The following CCDC148 variants were observed in gnomAD, a reference collection of about 807,000 sequenced individuals.
CCDC148 encodes the protein coiled-coil domain-containing protein 148.
A neutral mutation model predicts 85.7 loss-of-function variants in CCDC148; 89 were observed. That is an observed-to-expected ratio of 1.04 (90% CI 0.87 to 1.24). The LOEUF (loss-of-function observed/expected upper bound fraction) is 1.24. Ranked by LOEUF, CCDC148 falls within the 50% of genes most tolerant of loss-of-function variation. The probability of loss-of-function intolerance (pLI) is 0.00; values close to 1 mark genes in which losing one functional copy is unlikely to be tolerated. For missense variants in CCDC148, 692 were observed against 671.7 expected (o/e 1.03, Z -0.33); for synonymous variants, 230 against 213.9 (o/e 1.08, Z -0.66).
chr2:158,242,815 CT>C (rs60259574), intron 10 of CCDC148, among the ~76,000 whole-genome samples: 7,351 of 152,100 alleles, frequency 0.048, 593 homozygotes, highest in African/African-American at 0.16. Flanking sequence ...ATAAAGGTGT[CT>C]TTGGACTGCT....
At chr2:158,319,756 A>G (rs577228003) in intron 7 of CCDC148, among the ~76,000 whole-genome samples, 1 of 152,192 alleles carries the variant, frequency 6.6e-6, no homozygotes, top group Non-Finnish European at 1.5e-5. Flanking sequence ...GAAAAGTACT[A>G]TGAAAGGATG....
intron 7 of CCDC148, among the ~76,000 whole-genome samples, chr2:158,329,478 G>C (rs987521806): frequency 6.6e-6 from 1 of 152,152 alleles, no homozygotes; most frequent in East Asian, 1.9e-4. Flanking sequence ...GCTTAGGATT[G>C]ACTTGGCGAT....
intron 1 of CCDC148, among the ~76,000 whole-genome samples, chr2:158,438,786 A>T (rs1200708958): frequency 1.3e-5 from 2 of 152,220 alleles, no homozygotes; most frequent in Non-Finnish European, 2.9e-5. Context: ...CAAGAAAAAA[A>T]CGAACAACCC....
At chr2:158,338,259 T>C (rs1028980982) in intron 7 of CCDC148, among the ~76,000 whole-genome samples, 1 of 152,294 alleles carries the variant, frequency 6.6e-6, no homozygotes, top group South Asian at 2.1e-4. Context: ...CAGAAGTCTA[T>C]TTCCTAAAAA....
At chr2:158,270,563 G>A (rs566458822) in intron 9 of CCDC148, among the ~76,000 whole-genome samples, 8 of 152,200 alleles carry the variant, frequency 5.3e-5, no homozygotes, top group Admixed American at 4.6e-4. Context: ...GGTAAACCTG[G>A]GATCTTGTAA....
Position 158,280,248 on chromosome 2 carries a change from A to C in CCDC148, c.1110+29185T>G, listed in dbSNP as rs1041022404. Among the ~76,000 whole-genome samples the C allele has an allele frequency of 4.2e-4, 64 of 152,334 alleles. 1 individual carries two copies. The highest frequency in any genetic ancestry group is 1.5e-3 in the African/African-American group (61 of 41,568). On this transcript the variant is annotated intron_variant, in intron 9 of 13. Transcript: ENST00000283233. ...GGGTGAAATAACCAGCTAACATCAT[A>C]ATCACAGGTTCAAATTCACACATAA...
chr2:158,431,299 T>TA lies in CCDC148; in HGVS notation c.25+25115dup, dbSNP rs200663649. On this transcript the variant is annotated intron_variant, in intron 1 of 13. Transcript: ENST00000283233. ...CAAAGGCATTTAATAATCAAATTGTTAAAAAAAACTGTCATAAAAAAATCT... is the reference window on the plus strand; with the variant it reads ...CAAAGGCATTTAATAATCAAATTGTTAAAAAAAAACTGTCATAAAAAAATCT... Among the ~76,000 whole-genome samples, 221 of 151,516 alleles carry TA rather than the reference T, an allele frequency of 1.5e-3. 1 individual carries two copies. Among genetic ancestry groups the TA allele is most frequent in the African/African-American group, 3.3e-3 (138 of 41,372 alleles).
chr2:158,310,611 G>A (rs1031089008), intron 8 of CCDC148, among the ~76,000 whole-genome samples: 31 of 151,708 alleles, frequency 2.0e-4, no homozygotes, highest in East Asian at 2.0e-4. Context: ...CAGACGGGGC[G>A]GCCAGGTAGA....
chr2:158,323,118 A>G (rs953912922), intron 7 of CCDC148, among the ~76,000 whole-genome samples: 3 of 152,194 alleles, frequency 2.0e-5, no homozygotes, highest in Non-Finnish European at 4.4e-5. Flanking sequence ...GCTTCACAAA[A>G]ACACTGAATA....
intron 9 of CCDC148, among the ~76,000 whole-genome samples, chr2:158,277,338 G>GT (rs1689998725): frequency 6.6e-6 from 1 of 152,166 alleles, no homozygotes; most frequent in East Asian, 1.9e-4. Context: ...TCCTTGAGGT[G>GT]ATAATGACCA....
intron 1 of CCDC148, among the ~76,000 whole-genome samples, chr2:158,453,562 T>C (rs1266838111): frequency 6.6e-6 from 1 of 152,158 alleles, no homozygotes; most frequent in African/African-American, 2.4e-5. Context: ...AGTATTGGCG[T>C]ACTTTTTGAA....
At chr2:158,363,715 T>G (rs1271711681) in intron 1 of CCDC148, among the ~76,000 whole-genome samples, 1 of 152,162 alleles carries the variant, frequency 6.6e-6, no homozygotes, top group Non-Finnish European at 1.5e-5. Flanking sequence ...TCATACTGAA[T>G]GGGCAAAAAC....
chr2:158,309,699 CATT>C lies in CCDC148; in HGVS notation c.904-63_904-61del, dbSNP rs548943990. ...ATGAAAATGAGCTTACATTTTGCAT[CATT>C]GTTACAAAAATGAAAAGAAAATGAA... On this transcript the variant is annotated intron_variant, in intron 8 of 13. Coordinates refer to ENST00000283233, the MANE Select transcript of CCDC148 (RefSeq NM_138803.4). 9.2e-5 allele frequency: 106 copies of C among 1,150,778 alleles called. No homozygotes were observed. In the East Asian group the frequency reaches 1.5e-3, roughly 17 times the overall value. The allele number at this position is 1,150,778 out of a possible 1,614,324, so 71.3% of individuals were successfully genotyped here. A position where few individuals can be genotyped will look rare whatever the true frequency, so the allele number is the denominator to read the frequency against.
At chr2:158,427,801 G>T (rs911024293) in intron 1 of CCDC148, among the ~76,000 whole-genome samples, 3 of 152,104 alleles carry the variant, frequency 2.0e-5, no homozygotes, top group Admixed American at 6.5e-5. Flanking sequence ...AGCTGAAGAG[G>T]TCGAGGCTAC....
At position 158,172,150 on chromosome 2, in the gene CCDC148, G is replaced by A. The variant is rs150404309; in HGVS notation, c.1739C>T (p.Pro580Leu). The A allele has an allele frequency of 2.5e-6, 4 of 1,609,212 alleles. No homozygotes were observed. Among genetic ancestry groups the A allele is most frequent in the Non-Finnish European group, 3.4e-6 (4 of 1,177,134 alleles). ...ILPKISPQKP[P>L]RKDMESTVFK... ...TACAGTAGACTCCATGTCCTTTCTT[G>A]GAGGTTTTTGAGGACTAATTTTTGG... The change falls in exon 14 of 14, where the codon CCA (proline) becomes CTA (leucine). Residue 580 changes from proline (P) to leucine (L), a missense_variant. Pro to Leu is a moderately conservative substitution (Grantham distance 98). Transcript: ENST00000283233.
intron 9 of CCDC148, among the ~76,000 whole-genome samples, chr2:158,293,114 C>T (rs1439361643): frequency 2.0e-5 from 3 of 152,080 alleles, no homozygotes; most frequent in Non-Finnish European, 4.4e-5. Context: ...AAAAAAAGTA[C>T]CCTTCCTTTC....
intron 1 of CCDC148, among the ~76,000 whole-genome samples, chr2:158,454,326 A>G (rs1688518409): frequency 1.3e-5 from 2 of 152,212 alleles, no homozygotes; most frequent in African/African-American, 4.8e-5. Context: ...AAATCTTTGG[A>G]GGAGAGGGTG....
chr2:158,355,673 C>G (rs1683591631), intron 2 of CCDC148, among the ~76,000 whole-genome samples: 1 of 129,986 alleles, frequency 7.7e-6, no homozygotes, highest in African/African-American at 3.2e-5. Context: ...TTTACAGATT[C>G]AATGCCATCC....
At chr2:158,424,582 G>A (rs1242351313) in intron 1 of CCDC148, 3 of 154,092 alleles carry the variant, frequency 1.9e-5, no homozygotes, top group African/African-American at 7.2e-5. Flanking sequence ...TGGGGGGAGT[G>A]GGGAGGGATA....
Sources: gnomAD v4.1 joint callset for allele counts (sites outside exome capture counted in the v4.1 genomes callset) on GRCh38, gnomAD v4.1.1 for gene constraint, MANE v1.5 for transcripts, NCBI Gene and HGNC (gene_info 2026-07-23, HGNC 2026-07-21) for gene names.